The following NEO1 variants were observed in gnomAD, a reference collection of about 807,000 sequenced individuals.
The protein encoded by NEO1 is neogenin.
Under a neutral mutation model 159.7 loss-of-function variants are expected in NEO1, and 63 were observed. The observed-to-expected ratio is 0.39, with a 90% CI of 0.32 to 0.49. NEO1 has a LOEUF of 0.49. Among genes scored for constraint, NEO1 ranks in the 20% least tolerant of loss-of-function variants. The pLI is 0.85. For missense variants in NEO1, 1,615 were observed against 1,831.0 expected (o/e 0.88, Z 2.15); for synonymous variants, 633 against 662.0 (o/e 0.96, Z 0.67).
At chr15:73,192,043 CTGTT>C (rs1431962401) in intron 7 of NEO1, among the ~76,000 whole-genome samples, 1 of 151,872 alleles carries the variant, frequency 6.6e-6, no homozygotes, top group East Asian at 1.9e-4. Flanking sequence ...TGCTTATTGT[CTGTT>C]AGTAGAGACA....
At chr15:73,092,934 T>A (rs943914765) in intron 1 of NEO1, among the ~76,000 whole-genome samples, 6 of 152,230 alleles carry the variant, frequency 3.9e-5, no homozygotes, top group African/African-American at 1.4e-4. Flanking sequence ...TTTAACCTAA[T>A]GTCCTTTTTT....
intron 5 of NEO1, among the ~76,000 whole-genome samples, chr15:73,144,588 C>A (rs566485979): frequency 2.6e-5 from 4 of 152,070 alleles, no homozygotes; most frequent in Non-Finnish European, 4.4e-5. Flanking sequence ...AGTGTTCCAC[C>A]GAGTTCTGTT....
intron 18 of NEO1, among the ~76,000 whole-genome samples, chr15:73,271,728 G>A (rs766072520): frequency 1.8e-4 from 28 of 152,064 alleles, no homozygotes; most frequent in Non-Finnish European, 5.9e-5. Context: ...CCAACATGGC[G>A]AAACCCCATC....
At chr15:73,199,953 C>T (rs1392766796) in intron 7 of NEO1, among the ~76,000 whole-genome samples, 2 of 152,176 alleles carry the variant, frequency 1.3e-5, no homozygotes, top group African/African-American at 4.8e-5. Context: ...ACCTAATCAC[C>T]TCCCAAAGGC....
intron 7 of NEO1, among the ~76,000 whole-genome samples, chr15:73,197,870 A>G (rs895162102): frequency 7.9e-5 from 12 of 151,952 alleles, no homozygotes; most frequent in Admixed American, 5.3e-4. Flanking sequence ...TAGTAGACAC[A>G]GGGTTTTACA....
Position 73,052,550 on chromosome 15 carries a change from G to C in NEO1, c.-126G>C, listed in dbSNP as rs1375604123. The C allele has an allele frequency of 1.6e-5, 7 of 450,962 alleles. No individual in the cohort carries two copies. The highest frequency in any genetic ancestry group is 6.4e-5 in the African/African-American group (3 of 46,838). 27.9% of individuals were successfully genotyped at this position (450,962 alleles called of 1,614,324 possible). A position where few individuals can be genotyped will look rare whatever the true frequency, so the allele number is the denominator to read the frequency against. ...GCGCGGGCCGGGCCGGGCCGGGCTG[G>C]GCTGGAGCAGCGGCGGCCGCGGGAG... is the stretch of plus-strand genomic sequence containing the variant. On this transcript the variant is annotated 5_prime_UTR_variant, in exon 1 of 29. Coordinates refer to ENST00000261908, the MANE Select transcript of NEO1 (RefSeq NM_002499.4).
chr15:73,259,059 A>G, intron 14 of NEO1, 183 bp downstream of exon 14: 1 of 554,292 alleles, frequency 1.8e-6, no homozygotes, highest in Admixed American at 3.0e-5. Context: ...AGTGCCTTGT[A>G]GAGAACTGTC....
At chr15:73,282,438 A>G (rs1441670579) in intron 22 of NEO1, among the ~76,000 whole-genome samples, 2 of 152,244 alleles carry the variant, frequency 1.3e-5, no homozygotes, top group Non-Finnish European at 2.9e-5. Flanking sequence ...TTGAAGTTGA[A>G]CAAGAGAATT....
intron 7 of NEO1, among the ~76,000 whole-genome samples, chr15:73,193,477 A>G (rs1407329960): frequency 6.6e-6 from 1 of 151,566 alleles, no homozygotes; most frequent in Non-Finnish European, 1.5e-5. Flanking sequence ...ACAAAAATTT[A>G]TGTTCTTTTT....
At chr15:73,273,418 T>G (rs2041264777) in intron 19 of NEO1, among the ~76,000 whole-genome samples, 1 of 152,246 alleles carries the variant, frequency 6.6e-6, no homozygotes, top group Admixed American at 6.5e-5. Flanking sequence ...TGTGAAAGAA[T>G]GAATCATGAC....
At chr15:73,093,955 G>A (rs1321556309) in intron 1 of NEO1, among the ~76,000 whole-genome samples, 3 of 151,570 alleles carry the variant, frequency 2.0e-5, no homozygotes, top group African/African-American at 7.3e-5. Flanking sequence ...TTTGTTTTTA[G>A]CACTTCCTTA....
intron 5 of NEO1, among the ~76,000 whole-genome samples, chr15:73,140,581 A>G (rs2032284251): frequency 6.6e-6 from 1 of 152,108 alleles, no homozygotes; most frequent in South Asian, 2.1e-4. Flanking sequence ...AAAAAACTGT[A>G]CACAGAAATA....
rs1219956949 is a variant in NEO1 at position 73,288,703 on chromosome 15, TGAA to T, written c.3649+156_3649+158del. 5 of 675,916 alleles carry T rather than the reference TGAA, an allele frequency of 7.4e-6. No individual in the cohort carries two copies. In the Admixed American group the frequency reaches 1.1e-4, roughly 15 times the overall value. 41.9% of individuals were successfully genotyped at this position (675,916 alleles called of 1,614,324 possible). ...TATGATAAGATTTGGGAACATATGA[TGAA>T]GAATACCTAGCTTCTTATGGGAGAG... is the stretch of plus-strand genomic sequence containing the variant. On this transcript the variant is annotated intron_variant, in intron 24 of 28. Transcript: ENST00000261908.
intron 7 of NEO1, among the ~76,000 whole-genome samples, chr15:73,227,539 T>C (rs1484375629): frequency 6.6e-6 from 1 of 152,120 alleles, no homozygotes; most frequent in Non-Finnish European, 1.5e-5. Flanking sequence ...CATCATTCTT[T>C]AGGAACTTCC....
intron 5 of NEO1, among the ~76,000 whole-genome samples, chr15:73,164,315 T>A (rs957380639): frequency 6.6e-6 from 1 of 151,012 alleles, no homozygotes; most frequent in Non-Finnish European, 1.5e-5. Context: ...CTGGGTTCAG[T>A]CCATTCTCCT....
intron 7 of NEO1, among the ~76,000 whole-genome samples, chr15:73,216,330 C>G (rs1176974044): frequency 1.3e-5 from 2 of 152,104 alleles, no homozygotes; most frequent in Non-Finnish European, 1.5e-5. Context: ...TCCAGTCTAT[C>G]ATTGTTGGAC....
intron 2 of NEO1, among the ~76,000 whole-genome samples, chr15:73,120,788 G>A (rs1004829457): frequency 3.3e-5 from 5 of 151,966 alleles, no homozygotes; most frequent in Non-Finnish European, 7.4e-5. Context: ...GAAAACTGAT[G>A]CTCTTAGCTG....
intron 13 of NEO1, 134 bp downstream of exon 13, chr15:73,254,963 T>G (rs2040268251): frequency 3.5e-6 from 3 of 855,758 alleles, no homozygotes; most frequent in Non-Finnish European, 3.4e-6. Flanking sequence ...TTTTAATGGT[T>G]CAATCCACTT....
chr15:73,264,006 T>C (rs1287475622), intron 15 of NEO1, among the ~76,000 whole-genome samples: 1 of 151,962 alleles, frequency 6.6e-6, no homozygotes, highest in Non-Finnish European at 1.5e-5. Flanking sequence ...GGCAACATAT[T>C]GCGACCTCAT....
Sources: allele counts gnomAD v4.1 joint callset (sites outside exome capture counted in the v4.1 genomes callset), GRCh38; gene constraint gnomAD v4.1.1; transcripts MANE v1.5; gene names NCBI Gene and HGNC (gene_info 2026-07-23, HGNC 2026-07-21).